The following DNASE1 variants were observed in gnomAD, a reference collection of about 807,000 sequenced individuals.
DNASE1 encodes deoxyribonuclease 1, also known as deoxyribonuclease-1.
Under a neutral mutation model 33.9 loss-of-function variants are expected in DNASE1, and 40 were observed. The observed-to-expected ratio is 1.18, with a 90% confidence interval of 0.92 to 1.54. The LOEUF (loss-of-function observed/expected upper bound fraction) is 1.54, where lower values mean the gene tolerates loss of function less well. Ranked by LOEUF, DNASE1 falls within the 40% of genes most tolerant of loss-of-function variation. DNASE1 has a pLI of 0.00. For missense variants in DNASE1, 518 were observed against 372.6 expected (o/e 1.39, Z -3.21); for synonymous variants, 216 against 160.0 (o/e 1.35, Z -2.64).
chr16:3,635,526 G>T (rs2041843709), intron 1 of DNASE1, among the ~76,000 whole-genome samples: 1 of 149,258 alleles, frequency 6.7e-6, no homozygotes, highest in African/African-American at 2.5e-5. Context: ...ATTCTCTAAT[G>T]CTCTTCCTTT....
chr16:3,636,535 G>C (rs1168830572), intron 1 of DNASE1, among the ~76,000 whole-genome samples: 1 of 152,136 alleles, frequency 6.6e-6, no homozygotes, highest in Non-Finnish European at 1.5e-5. Context: ...AAAAGGAACT[G>C]AGGAGGCCGG....
At chr16:3,623,811 T>G (rs936816636) in intron 1 of DNASE1, among the ~76,000 whole-genome samples, 2 of 152,142 alleles carry the variant, frequency 1.3e-5, no homozygotes, top group Non-Finnish European at 2.9e-5. Context: ...GAAAAAGTGC[T>G]CACATCAGTA....
rs773623051 is a variant in DNASE1, at chr16:3,657,709, A to G, written c.705-11A>G. 2.5e-6 allele frequency: 4 copies of G among 1,613,864 alleles called. No homozygotes were observed. Among genetic ancestry groups the G allele is most frequent in the Non-Finnish European group, 3.4e-6 (4 of 1,179,958 alleles). On this transcript the variant is annotated splice_polypyrimidine_tract_variant and intron_variant, in intron 7 of 8. Coordinates refer to ENST00000246949, the MANE Select transcript of DNASE1 (RefSeq NM_005223.4). ...AAGGGGAACCTACTTTCTCTTCCCA[A>G]CACCCATCAGGATCGTGGTTGCAGG...
chr16:3,634,000 C>G (rs1054838173), intron 1 of DNASE1, among the ~76,000 whole-genome samples: 21 of 150,738 alleles, frequency 1.4e-4, no homozygotes, highest in Non-Finnish European at 2.7e-4. Flanking sequence ...TTAGTAGAGG[C>G]GGGGTTTCAC....
chr16:3,640,338 A>G (rs899589612), upstream of DNASE1, among the ~76,000 whole-genome samples: 1 of 152,150 alleles, frequency 6.6e-6, no homozygotes, highest in Non-Finnish European at 1.5e-5. Flanking sequence ...CTGCCCTGCA[A>G]ATAGCAGCAG....
chr16:3,656,820 A>C, intron 5 of DNASE1, 67 bp downstream of exon 5: 1 of 1,545,602 alleles, frequency 6.5e-7, no homozygotes, highest in East Asian at 2.4e-5. Flanking sequence ...CTCCTAGGGA[A>C]CCTGGAATGC....
intron 1 of DNASE1, among the ~76,000 whole-genome samples, chr16:3,643,685 G>A (rs1466949184): frequency 6.6e-6 from 1 of 152,236 alleles, no homozygotes; most frequent in Non-Finnish European, 1.5e-5. Flanking sequence ...CAGACCCACA[G>A]GAGACTGAGA....
downstream of DNASE1, chr16:3,659,012 GATAATATC>G (rs1217209745): frequency 2.6e-6 from 2 of 764,046 alleles, no homozygotes; most frequent in East Asian, 2.8e-5. Context: ...ATCATTTATA[GATAATATC>G]ATTATATACC....
At chr16:3,624,955 TCA>T (rs1315372821) in intron 1 of DNASE1, among the ~76,000 whole-genome samples, 1 of 152,156 alleles carries the variant, frequency 6.6e-6, no homozygotes, top group Non-Finnish European at 1.5e-5. Flanking sequence ...CCCCAGCCTC[TCA>T]CAGTCTGAGA....
chr16:3,662,693 C>T (rs1487132818), downstream of DNASE1: 4 of 699,456 alleles, frequency 5.7e-6, no homozygotes, highest in Non-Finnish European at 1.0e-5. Context: ...AAAGACACGG[C>T]CTTCCTGCCT....
At chr16:3,627,030 CTTAT>C (rs2041534580) in intron 1 of DNASE1, among the ~76,000 whole-genome samples, 1 of 151,302 alleles carries the variant, frequency 6.6e-6, no homozygotes, top group Non-Finnish European at 1.5e-5. Flanking sequence ...TGCCACCATG[CTTAT>C]TTAAATTTTT....
intron 1 of DNASE1, among the ~76,000 whole-genome samples, chr16:3,628,070 A>G (rs979336295): frequency 6.6e-6 from 1 of 151,974 alleles, no homozygotes; most frequent in Non-Finnish European, 1.5e-5. Context: ...CGTCCAACCC[A>G]TGAAAGTGTG....
At chr16:3,641,122 A>C, upstream of DNASE1, 1 of 396,294 alleles carries the variant, frequency 2.5e-6, no homozygotes, top group Non-Finnish European at 4.4e-6. Context: ...CAGGGTGGCT[A>C]GTGGTGGCCA....
intron 1 of DNASE1, among the ~76,000 whole-genome samples, chr16:3,628,639 A>G (rs1314799226): frequency 6.7e-6 from 1 of 148,878 alleles, no homozygotes. Context: ...CTCATTGCAA[A>G]CCTCCGCCTC....
At chr16:3,618,797 A>G (rs2041198556) in intron 1 of DNASE1, among the ~76,000 whole-genome samples, 1 of 152,236 alleles carries the variant, frequency 6.6e-6, no homozygotes, top group Admixed American at 6.5e-5. Context: ...CAGTGCATGA[A>G]TGAACAAAAT....
chr16:3,646,501 G>T (rs2042176243), intron 1 of DNASE1, among the ~76,000 whole-genome samples: 1 of 151,904 alleles, frequency 6.6e-6, no homozygotes. Context: ...CGGGTGTAGG[G>T]GTTGGGTGGG....
chr16:3,656,298 A>G (rs2042613725), intron 4 of DNASE1, 113 bp downstream of exon 4: 2 of 1,174,416 alleles, frequency 1.7e-6, no homozygotes, highest in Non-Finnish European at 2.5e-6. Context: ...GAGGCTTCAG[A>G]GCAGGGTCCA....
chr16:3,664,635 C>G, exon 10 of DNASE1: 1 of 664,140 alleles, frequency 1.5e-6, no homozygotes, highest in African/African-American at 1.8e-5. Context: ...CTCTGCCCAT[C>G]AGGCCCCTTT....
exon 10 of DNASE1, chr16:3,664,949 G>C (rs1201215411): frequency 1.3e-5 from 2 of 158,014 alleles, no homozygotes; most frequent in East Asian, 3.8e-4. Flanking sequence ...CTCCCCATCA[G>C]CTGAACGCAG....
Sources: gnomAD v4.1 joint callset for allele counts (sites outside exome capture counted in the v4.1 genomes callset) on GRCh38, gnomAD v4.1.1 for gene constraint, MANE v1.5 for transcripts, NCBI Gene and HGNC (gene_info 2026-07-23, HGNC 2026-07-21) for gene names.